Variants in FLT1 observed in about 807,000 individuals in gnomAD.
FLT1 encodes vascular endothelial growth factor receptor 1.
FLT1 carries 49 observed loss-of-function variants against 156.3 expected under a neutral mutation model. The ratio of observed to expected loss-of-function variants is 0.31; its 90% CI spans 0.25 to 0.40. The LOEUF (loss-of-function observed/expected upper bound fraction) is 0.40. Among genes scored for constraint, FLT1 ranks in the 10% least tolerant of loss-of-function variants. The pLI is 1.00. For missense variants in FLT1, 1,322 were observed against 1,637.2 expected, an observed-to-expected ratio of 0.81 and a Z score of 3.32; for synonymous variants, 594 against 583.8, an observed-to-expected ratio of 1.02 and a Z score of -0.25.
intron 3 of FLT1, among the ~76,000 whole-genome samples, chr13:28,451,554 G>C (rs1232086163): frequency 1.3e-5 from 2 of 152,232 alleles, no homozygotes; most frequent in African/African-American, 4.8e-5. Context: ...AGGGACACTG[G>C]GGACAGTGGG....
In FLT1 at chr13:28,341,201, C is replaced by G. The variant is rs537606612; in HGVS notation, c.2356-1901G>C. On this transcript the variant is annotated intron_variant, in intron 16 of 29. Transcript: ENST00000282397. Reference sequence around the variant, plus strand: ...GCACCTATGGAATTTTATGGTTTGTCTCAATAAGGCAGGTGAGAGGAGACA... The same window carrying G: ...GCACCTATGGAATTTTATGGTTTGTGTCAATAAGGCAGGTGAGAGGAGACA... Among the ~76,000 whole-genome samples, 8 of 152,248 alleles carry G rather than the reference C, an allele frequency of 5.3e-5. No homozygotes were observed. In the East Asian group the frequency reaches 5.8e-4, roughly 11 times the overall value.
At chr13:28,463,838 C>T (rs1256282214) in intron 3 of FLT1, among the ~76,000 whole-genome samples, 1 of 152,130 alleles carries the variant, frequency 6.6e-6, no homozygotes, top group Non-Finnish European at 1.5e-5. Context: ...AAATATTAGA[C>T]TCCTCGGAAA....
chr13:28,350,509 T>C (rs1212692622), intron 15 of FLT1, among the ~76,000 whole-genome samples: 1 of 152,036 alleles, frequency 6.6e-6, no homozygotes, highest in African/African-American at 2.4e-5. Context: ...CAATAGTAGC[T>C]CTCTGTACAC....
chr13:28,320,730 G>C (rs1464271385), intron 23 of FLT1, among the ~76,000 whole-genome samples: 2 of 152,210 alleles, frequency 1.3e-5, no homozygotes, highest in Middle Eastern at 3.4e-3. Flanking sequence ...GAAACTCTGG[G>C]GGGTGGAAGG....
At chr13:28,462,395 G>A (rs1376818462) in intron 3 of FLT1, among the ~76,000 whole-genome samples, 1 of 152,216 alleles carries the variant, frequency 6.6e-6, no homozygotes, top group African/African-American at 2.4e-5. Flanking sequence ...CCAAGGGGAT[G>A]AAGTTCACTT....
intron 15 of FLT1, chr13:28,345,961 TAA>T (rs575637976): frequency 3.6e-4 from 44 of 123,270 alleles, no homozygotes; most frequent in South Asian, 1.2e-3. Context: ...GAGGAAATTC[TAA>T]AAAAAAAAAA....
At chr13:28,326,910 G>A (rs1434210491) in intron 20 of FLT1, among the ~76,000 whole-genome samples, 1 of 152,170 alleles carries the variant, frequency 6.6e-6, no homozygotes, top group Non-Finnish European at 1.5e-5. Flanking sequence ...AATAAGGCTG[G>A]TTCAGAGTAT....
rs112648766 is a variant in FLT1 at position 28,304,849 on chromosome 13, T to C, written c.3816-1481A>G. 2.5e-3 allele frequency among the ~76,000 whole-genome samples: 383 copies of C among 152,360 alleles called. 2 individuals are homozygous for C. Among genetic ancestry groups the C allele is most frequent in the Middle Eastern group, 0.02 (6 of 294 alleles). ...TAATATTTTCAAGGTTCATCCATAT[T>C]GTAGCATGCATGCATACTTCACACT... is the stretch of plus-strand genomic sequence containing the variant. On this transcript the variant is annotated intron_variant, in intron 29 of 29. Coordinates refer to ENST00000282397, the MANE Select transcript of FLT1 (RefSeq NM_002019.4).
rs751896313 is a variant in FLT1, at chr13:28,427,311, G to A, written c.1284C>T (p.Pro428=). ...ATGACACGGCCTTTTCGTAAATCTGGGGTTTCACTGGAAAGGAGATGAAGA... is the reference window on the plus strand; with the variant it reads ...ATGACACGGCCTTTTCGTAAATCTGAGGTTTCACTGGAAAGGAGATGAAGA... The part of the protein sequence containing the change: ...LTATLIVNVK[P]QIYEKAVSSF... Residue 428 remains proline, a synonymous_variant, in exon 10 of 30, where the codon CCC becomes CCT. Transcript: ENST00000282397. 1 of 1,613,942 alleles carries A rather than the reference G, an allele frequency of 6.2e-7. No individual in the cohort carries two copies. The highest frequency in any genetic ancestry group is 1.7e-5 in the Admixed American group (1 of 60,000).
chr13:28,453,986 T>G (rs998004148), intron 3 of FLT1, among the ~76,000 whole-genome samples: 3 of 151,750 alleles, frequency 2.0e-5, no homozygotes, highest in Non-Finnish European at 4.4e-5. Flanking sequence ...GATATTTAAC[T>G]TGAGACCTGA....
At chr13:28,388,619 T>C (rs1874514778) in intron 13 of FLT1, 1 of 1,056,346 alleles carries the variant, frequency 9.5e-7, no homozygotes, top group African/African-American at 1.6e-5. Flanking sequence ...GTGTATTTTT[T>C]AAATTACTTT....
At chr13:28,419,601 C>T (rs1042498984) in intron 10 of FLT1, among the ~76,000 whole-genome samples, 19 of 152,154 alleles carry the variant, frequency 1.2e-4, no homozygotes, top group African/African-American at 3.6e-4. Flanking sequence ...ATCCAGCGGC[C>T]GGGTGCGGTG....
chr13:28,458,099 T>G (rs569936040), intron 3 of FLT1, among the ~76,000 whole-genome samples: 5 of 152,032 alleles, frequency 3.3e-5, no homozygotes, highest in Non-Finnish European at 7.4e-5. Context: ...CACACCTGGC[T>G]AATTTTTTTG....
intron 25 of FLT1, among the ~76,000 whole-genome samples, chr13:28,312,917 A>G (rs761765777): frequency 1.5e-4 from 23 of 152,188 alleles, no homozygotes; most frequent in Non-Finnish European, 2.8e-4. Context: ...TGGGATTCCA[A>G]TGTCAACAGA....
intron 4 of FLT1, among the ~76,000 whole-genome samples, chr13:28,437,660 T>C (rs568000976): frequency 5.3e-4 from 81 of 152,228 alleles, no homozygotes; most frequent in Non-Finnish European, 7.5e-4. Flanking sequence ...CAATTTACAA[T>C]ATAGTATGAA....
intron 14 of FLT1, among the ~76,000 whole-genome samples, chr13:28,378,185 G>T (rs1873926565): frequency 6.6e-6 from 1 of 151,794 alleles, no homozygotes; most frequent in Admixed American, 6.6e-5. Flanking sequence ...AGTAGCTGGG[G>T]CTATCAGCAT....
intron 3 of FLT1, among the ~76,000 whole-genome samples, chr13:28,444,510 C>G (rs1326271666): frequency 6.6e-6 from 1 of 152,146 alleles, no homozygotes; most frequent in Non-Finnish European, 1.5e-5. Flanking sequence ...AACAACACTA[C>G]TAACCAACTA....
At chr13:28,338,001 C>G (rs1872184672) in intron 17 of FLT1, among the ~76,000 whole-genome samples, 1 of 152,214 alleles carries the variant, frequency 6.6e-6, no homozygotes, top group African/African-American at 2.4e-5. Flanking sequence ...CTGCCCTTAA[C>G]TACTCTAAAT....
At chr13:28,398,095 T>A (rs1308732142) in intron 11 of FLT1, among the ~76,000 whole-genome samples, 1 of 152,146 alleles carries the variant, frequency 6.6e-6, no homozygotes, top group Non-Finnish European at 1.5e-5. Flanking sequence ...TAACCCAAGC[T>A]TGCATTAAAA....
Sources: allele counts gnomAD v4.1 joint callset (sites outside exome capture counted in the v4.1 genomes callset), GRCh38; gene constraint gnomAD v4.1.1; transcripts MANE v1.5; gene names NCBI Gene and HGNC (gene_info 2026-07-23, HGNC 2026-07-21).